LPP: variants seen among roughly 807,000 people sequenced by gnomAD.
LPP encodes the protein lipoma-preferred partner.
A neutral mutation model predicts 60.4 loss-of-function variants in LPP; 38 were observed. The ratio of observed to expected loss-of-function variants is 0.63; its 90% CI spans 0.49 to 0.83. The LOEUF (loss-of-function observed/expected upper bound fraction) is 0.83, where lower values mean the gene tolerates loss of function less well. LPP is among the 40% of genes least tolerant of loss of function. The probability of loss-of-function intolerance (pLI) is 0.00; values close to 1 mark genes in which losing one functional copy is unlikely to be tolerated. For missense variants in LPP, 902 were observed against 783.6 expected (o/e 1.15, Z -1.80); for synonymous variants, 328 against 290.8 (o/e 1.13, Z -1.30).
At chr3:188,678,409 G>A (rs1858618007) in intron 7 of LPP, among the ~76,000 whole-genome samples, 1 of 152,158 alleles carries the variant, frequency 6.6e-6, no homozygotes, top group Non-Finnish European at 1.5e-5. Context: ...AGAATATGGA[G>A]CAATCAATTC....
At chr3:188,364,634 G>T (rs1363593150) in intron 3 of LPP, among the ~76,000 whole-genome samples, 1 of 152,144 alleles carries the variant, frequency 6.6e-6, no homozygotes, top group Non-Finnish European at 1.5e-5. Context: ...GGAGGAGGAG[G>T]GTTTTGATCT....
At chr3:188,858,200 C>T (rs1237481866) in intron 9 of LPP, among the ~76,000 whole-genome samples, 2 of 152,148 alleles carry the variant, frequency 1.3e-5, no homozygotes, top group African/African-American at 4.8e-5. Context: ...AAGGCAAAAT[C>T]TATCATTTGA....
chr3:188,409,809 T>C (rs566286890), intron 4 of LPP, among the ~76,000 whole-genome samples: 39 of 152,194 alleles, frequency 2.6e-4, no homozygotes, highest in Admixed American at 4.6e-4. Context: ...TTAGAACTAA[T>C]AGAAATCACG....
chr3:188,332,178 A>C (rs543539486), intron 2 of LPP, among the ~76,000 whole-genome samples: 1 of 152,266 alleles, frequency 6.6e-6, no homozygotes, highest in East Asian at 1.9e-4. Context: ...AGAATTTAAC[A>C]TGATTTTCTT....
chr3:188,406,397 A>G (rs1783499770), intron 4 of LPP, 84 bp downstream of exon 4: 21 of 1,294,098 alleles, frequency 1.6e-5, no homozygotes, highest in Non-Finnish European at 2.2e-5. Flanking sequence ...GTTGTGTCAG[A>G]AAAACGTAGT....
intron 8 of LPP, among the ~76,000 whole-genome samples, chr3:188,741,240 A>T (rs1339899830): frequency 6.7e-6 from 1 of 150,056 alleles, no homozygotes; most frequent in Non-Finnish European, 1.5e-5. Context: ...GTTTCCTTTG[A>T]ATTGGGGGGG....
At chr3:188,503,640 CTT>C (rs60878110) in intron 5 of LPP, among the ~76,000 whole-genome samples, 3 of 141,268 alleles carry the variant, frequency 2.1e-5, no homozygotes, top group African/African-American at 5.2e-5. Flanking sequence ...TCTCTCACCT[CTT>C]TTTTTTTTTT....
At chr3:188,238,719 G>A (rs1722776386) in intron 2 of LPP, among the ~76,000 whole-genome samples, 1 of 151,956 alleles carries the variant, frequency 6.6e-6, no homozygotes, top group African/African-American at 2.4e-5. Flanking sequence ...TAGTCACATC[G>A]AATATCACTG....
chr3:188,858,636 T>G (rs1266574437), intron 9 of LPP, among the ~76,000 whole-genome samples: 3 of 152,214 alleles, frequency 2.0e-5, no homozygotes, highest in Non-Finnish European at 4.4e-5. Flanking sequence ...GTGATCTTTT[T>G]GTTCTTTCTG....
rs777392462 is a variant in LPP at position 188,355,299 on chromosome 3, G to A, written c.-10+13580G>A. Among the ~76,000 whole-genome samples the A allele has an allele frequency of 3.9e-5, 6 of 152,222 alleles. No homozygotes were observed. In the East Asian group the frequency reaches 9.7e-4, roughly 25 times the overall value. ...TGGGATTACAGGCGTGAGCCACCGC[G>A]CCTGGCTAGAAAGAAGAGACATTTT... On this transcript the variant is annotated intron_variant, in intron 3 of 11. Transcript: ENST00000617246.
intron 2 of LPP, among the ~76,000 whole-genome samples, chr3:188,340,250 T>C (rs375681538): frequency 6.6e-6 from 1 of 152,184 alleles, no homozygotes; most frequent in Non-Finnish European, 1.5e-5. Context: ...TAAGGTCTCA[T>C]TGGAGTTATA....
chr3:188,772,173 A>C lies in LPP; in HGVS notation c.1410+11891A>C, dbSNP rs147826425. On this transcript the variant is annotated intron_variant, in intron 9 of 11. Transcript: ENST00000617246. ...TCTTATCTCCCATCAGCTCTCCTAC[A>C]CATTCTTTTTACAACACTTGCCCAA... is the stretch of plus-strand genomic sequence containing the variant. 3.3e-5 allele frequency among the ~76,000 whole-genome samples: 5 copies of C among 152,272 alleles called. No individual in the cohort carries two copies. In the East Asian group the frequency reaches 9.7e-4, roughly 29 times the overall value.
At chr3:188,418,073 T>G (rs1480378754) in intron 4 of LPP, among the ~76,000 whole-genome samples, 1 of 152,188 alleles carries the variant, frequency 6.6e-6, no homozygotes, top group African/African-American at 2.4e-5. Context: ...TTAGAGCACT[T>G]TCTCACATAA....
chr3:188,657,277 T>TATATATATATATATATATATATCA (rs1455015955), intron 7 of LPP, among the ~76,000 whole-genome samples: 2 of 145,168 alleles, frequency 1.4e-5, no homozygotes, highest in African/African-American at 5.0e-5. Flanking sequence ...TATATATATA[T>TATATATATATATATATATATATCA]ATATTTCCAA....
At chr3:188,324,265 C>T (rs149655958) in intron 2 of LPP, among the ~76,000 whole-genome samples, 4 of 152,144 alleles carry the variant, frequency 2.6e-5, no homozygotes, top group Non-Finnish European at 4.4e-5. Context: ...GCCCTCAAGT[C>T]TTTGGTAATT....
In LPP at chr3:188,517,006, TTTA is replaced by T. The variant is rs577876576; in HGVS notation, c.307-7657_307-7655del. Among the ~76,000 whole-genome samples the T allele has an allele frequency of 9.2e-5, 14 of 152,348 alleles. 1 individual carries two copies. In the South Asian group the frequency reaches 2.7e-3, roughly 29 times the overall value. Reference sequence around the variant, plus strand: ...TTAGTTTTACTTTTGATCAAAGTACTTTATAAAGTCACATACTCAATTGCCTGA... The same window carrying T: ...TTAGTTTTACTTTTGATCAAAGTACTTAAAGTCACATACTCAATTGCCTGA... On this transcript the variant is annotated intron_variant, in intron 5 of 11. Coordinates refer to ENST00000617246, the MANE Select transcript of LPP (RefSeq NM_001375462.1).
intron 2 of LPP, among the ~76,000 whole-genome samples, chr3:188,314,847 T>C (rs9823591): frequency 0.14 from 21,183 of 152,060 alleles, 1,758 homozygotes; most frequent in East Asian, 0.34. Context: ...ACAAGGAAGC[T>C]TTTCTTTTTT....
chr3:188,807,154 C>T, intron 9 of LPP, among the ~76,000 whole-genome samples: 1 of 151,824 alleles, frequency 6.6e-6, no homozygotes, highest in East Asian at 1.9e-4. Context: ...TTTAAGATGT[C>T]ACTTCATTGT....
chr3:188,700,095 G>C (rs1864086325), intron 7 of LPP, among the ~76,000 whole-genome samples: 1 of 152,076 alleles, frequency 6.6e-6, no homozygotes, highest in Admixed American at 6.5e-5. Context: ...TCTGAGGGAA[G>C]GAACCTCTTG....
Sources: allele counts gnomAD v4.1 joint callset (sites outside exome capture counted in the v4.1 genomes callset), GRCh38; gene constraint gnomAD v4.1.1; transcripts MANE v1.5; gene names NCBI Gene and HGNC (gene_info 2026-07-23, HGNC 2026-07-21).